TSHZ2: variants seen among roughly 807,000 people sequenced by gnomAD.
The protein encoded by TSHZ2 is teashirt homolog 2.
A neutral mutation model predicts 74.4 loss-of-function variants in TSHZ2; 21 were observed. The ratio of observed to expected loss-of-function variants is 0.28; its 90% CI spans 0.20 to 0.41. The LOEUF is 0.41. TSHZ2 is among the 10% of genes least tolerant of loss of function. TSHZ2 has a pLI of 1.00. For missense variants in TSHZ2, 1,244 were observed against 1,293.5 expected, an observed-to-expected ratio of 0.96 and a Z score of 0.59; for synonymous variants, 540 against 515.3, an observed-to-expected ratio of 1.05 and a Z score of -0.65.
intron 2 of TSHZ2, among the ~76,000 whole-genome samples, chr20:53,267,787 C>T (rs369517157): frequency 3.3e-5 from 5 of 152,216 alleles, no homozygotes; most frequent in African/African-American, 4.8e-5. Context: ...TTGAATGCCT[C>T]ATATGTGCTA....
intron 2 of TSHZ2, among the ~76,000 whole-genome samples, chr20:53,395,901 A>G (rs1982426746): frequency 6.6e-6 from 1 of 152,198 alleles, no homozygotes. Context: ...GGGTAATGAG[A>G]TAGACACACA....
chr20:53,374,606 G>C (rs563659314), intron 2 of TSHZ2, among the ~76,000 whole-genome samples: 1 of 152,230 alleles, frequency 6.6e-6, no homozygotes, highest in Non-Finnish European at 1.5e-5. Flanking sequence ...CCCACCAGCG[G>C]CATGTGAATA....
rs546339781 is a variant in TSHZ2, at chr20:53,092,399, T to C, written c.40+119066T>C. Among the ~76,000 whole-genome samples, 46 of 152,234 alleles carry C rather than the reference T, an allele frequency of 3.0e-4. 1 individual carries two copies. In the South Asian group the frequency reaches 9.0e-3, roughly 30 times the overall value. ...ATGATGTTTTATCAGTCAACTTGAG[T>C]CTTCTCATATTACCCGTTGACTGTG... On this transcript the variant is annotated intron_variant, in intron 1 of 2. Coordinates refer to ENST00000371497, the MANE Select transcript of TSHZ2 (RefSeq NM_173485.6).
At chr20:53,386,043 G>T (rs1982033139) in intron 2 of TSHZ2, among the ~76,000 whole-genome samples, 1 of 152,110 alleles carries the variant, frequency 6.6e-6, no homozygotes, top group Admixed American at 6.6e-5. Context: ...GCCTCCAAAT[G>T]AGCCTGGCTC....
chr20:53,199,347 G>T (rs553444319), intron 1 of TSHZ2, among the ~76,000 whole-genome samples: 1 of 152,062 alleles, frequency 6.6e-6, no homozygotes, highest in Non-Finnish European at 1.5e-5. Context: ...GGTGGCACAC[G>T]CCTGTAATCC....
intron 1 of TSHZ2, among the ~76,000 whole-genome samples, chr20:52,990,139 T>C (rs553806947): frequency 6.6e-6 from 1 of 152,136 alleles, no homozygotes; most frequent in Admixed American, 6.5e-5. Flanking sequence ...TTCACATAAG[T>C]AATTTATGTG....
At chr20:53,204,070 T>C (rs1989077101) in intron 1 of TSHZ2, among the ~76,000 whole-genome samples, 1 of 142,036 alleles carries the variant, frequency 7.0e-6, no homozygotes, top group South Asian at 2.2e-4. Flanking sequence ...TATCATATTA[T>C]ATGATACTAT....
intron 1 of TSHZ2, among the ~76,000 whole-genome samples, chr20:53,102,217 G>A (rs901958515): frequency 3.4e-5 from 5 of 149,196 alleles, no homozygotes; most frequent in Admixed American, 3.3e-4. Flanking sequence ...AACATCATCA[G>A]ATTTCCCCCA....
At chr20:53,272,230 T>G (rs539557914) in intron 2 of TSHZ2, among the ~76,000 whole-genome samples, 1 of 152,234 alleles carries the variant, frequency 6.6e-6, no homozygotes, top group African/African-American at 2.4e-5. Context: ...CAGGCTGGTC[T>G]TGAACTCTTA....
intron 2 of TSHZ2, among the ~76,000 whole-genome samples, chr20:53,258,056 T>A (rs1990518996): frequency 6.6e-6 from 1 of 152,158 alleles, no homozygotes; most frequent in Non-Finnish European, 1.5e-5. Context: ...CCTGGGACTT[T>A]CCCCTGAGTG....
At position 53,049,163 on chromosome 20, in the gene TSHZ2, C is replaced by T. The variant is rs530457817; in HGVS notation, c.40+75830C>T. ...AAGGAAAGCTGGCTTGGATGAACATCGGCTATTGGTACTGAGCTAACAAAG... is the reference window on the plus strand; with the variant it reads ...AAGGAAAGCTGGCTTGGATGAACATTGGCTATTGGTACTGAGCTAACAAAG... On this transcript the variant is annotated intron_variant, in intron 1 of 2. Coordinates refer to ENST00000371497, the MANE Select transcript of TSHZ2 (RefSeq NM_173485.6). Among the ~76,000 whole-genome samples the T allele has an allele frequency of 4.6e-5, 7 of 152,250 alleles. No homozygotes were observed. In the South Asian group the frequency reaches 8.3e-4, roughly 18 times the overall value.
chr20:53,204,109 C>T lies in TSHZ2; in HGVS notation c.41-49390C>T, dbSNP rs1269390444. On this transcript the variant is annotated intron_variant, in intron 1 of 2. Coordinates refer to ENST00000371497, the MANE Select transcript of TSHZ2 (RefSeq NM_173485.6). The stretch of plus-strand genomic sequence containing the variant: ...TATCATCATATGATGATATGATATA[C>T]TATATCATCATATGATGATATGATA... Among the ~76,000 whole-genome samples the T allele has an allele frequency of 2.4e-3, 5 of 2,054 alleles. 1 individual carries two copies. In the East Asian group the frequency reaches 0.21, roughly 88 times the overall value. The allele number at this position is 2,054 out of a possible 152,430, so 1.3% of individuals were successfully genotyped here.
intron 1 of TSHZ2, among the ~76,000 whole-genome samples, chr20:53,182,503 A>T (rs1380214882): frequency 1.1e-4 from 17 of 152,252 alleles, no homozygotes; most frequent in Admixed American, 1.0e-3. Flanking sequence ...TTTCCAGTCT[A>T]AACAGACATT....
At chr20:53,296,461 A>T (rs1209906351) in intron 2 of TSHZ2, among the ~76,000 whole-genome samples, 1 of 152,170 alleles carries the variant, frequency 6.6e-6, no homozygotes, top group Admixed American at 6.5e-5. Flanking sequence ...TATCTCCCTC[A>T]TCCATCAGTA....
intron 1 of TSHZ2, among the ~76,000 whole-genome samples, chr20:53,042,620 A>G (rs1318069900): frequency 2.0e-5 from 3 of 151,542 alleles, no homozygotes; most frequent in Non-Finnish European, 2.9e-5. Context: ...CACTTCAGAA[A>G]GTGAAAGTCA....
At position 53,411,987 on chromosome 20, in the gene TSHZ2, G is replaced by T. The variant is rs574761251; in HGVS notation, c.*9-75157G>T. On this transcript the variant is annotated intron_variant, in intron 2 of 2. Transcript: ENST00000371497. ...GTTGAATAGGCATGTTGCCTGAAGG[G>T]TGATCAAAGCATCATTTTCTTTCTT... Among the ~76,000 whole-genome samples, 7 of 152,298 alleles carry T rather than the reference G, an allele frequency of 4.6e-5. No homozygotes were observed. In the East Asian group the frequency reaches 1.2e-3, roughly 25 times the overall value.
chr20:53,038,356 T>G (rs1296877881), intron 1 of TSHZ2, among the ~76,000 whole-genome samples: 1 of 152,070 alleles, frequency 6.6e-6, no homozygotes, highest in Non-Finnish European at 1.5e-5. Context: ...CCAGCTAACT[T>G]GGGCCTTACA....
At chr20:53,102,320 A>G (rs1986239412) in intron 1 of TSHZ2, among the ~76,000 whole-genome samples, 1 of 152,160 alleles carries the variant, frequency 6.6e-6, no homozygotes, top group African/African-American at 2.4e-5. Context: ...GTGCTAGAGC[A>G]TCTGTATATT....
At chr20:53,378,877 A>G (rs1174204366) in intron 2 of TSHZ2, among the ~76,000 whole-genome samples, 1 of 152,224 alleles carries the variant, frequency 6.6e-6, no homozygotes, top group African/African-American at 2.4e-5. Flanking sequence ...AATATGAGAG[A>G]TGATATGAGG....
Sources: allele counts gnomAD v4.1 joint callset (sites outside exome capture counted in the v4.1 genomes callset), GRCh38; gene constraint gnomAD v4.1.1; transcripts MANE v1.5; gene names NCBI Gene and HGNC (gene_info 2026-07-23, HGNC 2026-07-21).